Variants in ALOX5 observed in about 807,000 individuals in gnomAD.
ALOX5 encodes the protein polyunsaturated fatty acid 5-lipoxygenase.
In ALOX5, 64 loss-of-function variants were observed where a neutral mutation model predicts 87.9. The observed-to-expected ratio is 0.73, with a 90% CI of 0.60 to 0.90. The LOEUF is 0.90. ALOX5 is among the 40% of genes least tolerant of loss of function. ALOX5 has a pLI of 0.00. For synonymous variants in ALOX5, 388 were observed against 355.1 expected (o/e 1.09, Z -1.04); for missense variants, 822 against 907.5 (o/e 0.91, Z 1.21).
At chr10:45,402,949 C>A (rs558571868) in intron 3 of ALOX5, among the ~76,000 whole-genome samples, 3 of 152,262 alleles carry the variant, frequency 2.0e-5, no homozygotes, top group African/African-American at 7.2e-5. Context: ...CTGCTACTAC[C>A]ACACATATGC....
chr10:45,407,855 G>A (rs1332858193), intron 3 of ALOX5, among the ~76,000 whole-genome samples: 1 of 152,138 alleles, frequency 6.6e-6, no homozygotes, highest in Non-Finnish European at 1.5e-5. Context: ...GAATTTCCTT[G>A]TGAGCAAAAT....
At position 45,425,207 on chromosome 10, in the gene ALOX5, C is replaced by T. The variant is rs1841663205; in HGVS notation, c.834+75C>T. 14 of 1,491,776 alleles carry T rather than the reference C, an allele frequency of 9.4e-6. No homozygotes were observed. The highest frequency in any genetic ancestry group is 4.3e-5 in the Admixed American group (2 of 46,382). The allele number at this position is 1,491,776 out of a possible 1,614,324, so 92.4% of individuals were successfully genotyped here. A position where few individuals can be genotyped will look rare whatever the true frequency, so the allele number is the denominator to read the frequency against. Reference sequence around the variant, plus strand: ...GGAAGCCAGTTCCTCCTGGCCAGTGCTCATAGGCCACCAAGACGCTAACTG... The same window carrying T: ...GGAAGCCAGTTCCTCCTGGCCAGTGTTCATAGGCCACCAAGACGCTAACTG... On this transcript the variant is annotated intron_variant, in intron 6 of 13. Coordinates refer to ENST00000374391, the MANE Select transcript of ALOX5 (RefSeq NM_000698.5). The surrounding 1 kb of genome is among the most constrained non-coding windows in gnomAD (Gnocchi z 4.4).
rs764750532 is a variant in ALOX5 at position 45,424,056 on chromosome 10, C to G, written c.570C>G (p.Phe190Leu). The G allele has an allele frequency of 1.2e-5, 19 of 1,613,998 alleles. No homozygotes were observed. The African/African-American group carries it at 1.6e-4, about 14-fold the overall frequency. Residue 190 changes from phenylalanine (F) to leucine (L), a missense_variant, in exon 5 of 14, where the codon TTC (phenylalanine) becomes TTG (leucine). By Grantham distance (22) the Phe-to-Leu change is conservative. Transcript: ENST00000374391. Reference sequence around the variant, plus strand: ...TGGTCTGCAGGATGGAGAACCTGTTCATCAACCGCTTCATGCACATGTTCC... The same window carrying G: ...TGGTCTGCAGGATGGAGAACCTGTTGATCAACCGCTTCATGCACATGTTCC... The part of the protein sequence containing the change: ...LNYSKAMENL[F>L]INRFMHMFQS...
intron 9 of ALOX5, chr10:45,442,693 A>G (rs1190620588): frequency 2.8e-5 from 8 of 290,032 alleles, no homozygotes; most frequent in Admixed American, 9.8e-5. Context: ...GCTCAGCACT[A>G]GAGCAGACTT....
intron 4 of ALOX5, among the ~76,000 whole-genome samples, chr10:45,418,012 C>G: frequency 6.6e-6 from 1 of 152,218 alleles, no homozygotes; most frequent in South Asian, 2.1e-4. Context: ...CTGTCATTAG[C>G]CCCTTGAGTG....
chr10:45,413,403 T>C (rs1018379161), intron 4 of ALOX5, among the ~76,000 whole-genome samples: 3 of 152,214 alleles, frequency 2.0e-5, no homozygotes, highest in Non-Finnish European at 2.9e-5. Context: ...CCATTCATGC[T>C]GAAAACTCTC....
intron 4 of ALOX5, among the ~76,000 whole-genome samples, chr10:45,421,651 G>A (rs1841512887): frequency 6.6e-6 from 1 of 152,234 alleles, no homozygotes; most frequent in Admixed American, 6.5e-5. Flanking sequence ...TCCAGTGCCT[G>A]GCTGCTGGTC....
intron 2 of ALOX5, among the ~76,000 whole-genome samples, chr10:45,386,352 A>G (rs771022715): frequency 8.6e-5 from 13 of 151,806 alleles, no homozygotes; most frequent in Non-Finnish European, 5.9e-5. Context: ...TATAGTCCCA[A>G]CTACTTAGGA....
rs765617226 is a variant in ALOX5 at position 45,382,588 on chromosome 10, A to G, written c.256A>G (p.Ile86Val). Residue 86 changes from isoleucine to valine, a missense_variant, in exon 2 of 14, where the codon ATC (isoleucine) becomes GTC (valine). Transcript: ENST00000374391. ...GAATGACGACTGGTACCTGAAGTAC[A>G]TCACGCTGAAGACGCCCCACGGGGA... is the stretch of plus-strand genomic sequence containing the variant. ...WLNDDWYLKY[I>V]TLKTPHGDYI... 1.6e-5 allele frequency: 26 copies of G among 1,614,076 alleles called. 1 individual carries two copies. In the South Asian group the frequency reaches 2.2e-4, roughly 14 times the overall value.
intron 2 of ALOX5, among the ~76,000 whole-genome samples, chr10:45,393,164 A>G (rs899907837): frequency 9.9e-5 from 15 of 152,244 alleles, no homozygotes; most frequent in Admixed American, 9.2e-4. Context: ...AAACAATTTT[A>G]GACCAATATC....
At chr10:45,374,450 G>T (rs772918040) in intron 1 of ALOX5, 21 bp downstream of exon 1, 1 of 1,522,658 alleles carries the variant, frequency 6.6e-7, no homozygotes. Context: ...GCGGGGCACG[G>T]GTGGAGCGCG....
At chr10:45,414,277 A>G (rs1243304927) in intron 4 of ALOX5, among the ~76,000 whole-genome samples, 3 of 152,194 alleles carry the variant, frequency 2.0e-5, no homozygotes, top group East Asian at 1.9e-4. Flanking sequence ...CCTCAGAAAT[A>G]ACACCACACA....
intron 7 of ALOX5, among the ~76,000 whole-genome samples, chr10:45,429,044 C>T (rs1841829323): frequency 6.6e-6 from 1 of 152,144 alleles, no homozygotes; most frequent in African/African-American, 2.4e-5. Flanking sequence ...GGCCCCCAGT[C>T]AAGGTGCTGC....
At chr10:45,376,315 C>A (rs1288773639) in intron 1 of ALOX5, among the ~76,000 whole-genome samples, 8 of 89,048 alleles carry the variant, frequency 9.0e-5, no homozygotes. Context: ...GTTGAGAGGG[C>A]TATAAGTCAG....
Position 45,393,145 on chromosome 10 carries a change from AC to A in ALOX5, c.350-2709del, listed in dbSNP as rs537529200. Among the ~76,000 whole-genome samples the A allele has an allele frequency of 1.8e-3, 279 of 152,080 alleles. 1 individual carries two copies. Among genetic ancestry groups the A allele is most frequent in the African/African-American group, 6.2e-3 (255 of 41,364 alleles). ...TGATACCAAAGCCTGGCAGATACAC[AC>A]ACAAAAAAAACAATTTTAGACCAAT... On this transcript the variant is annotated intron_variant, in intron 2 of 13. Coordinates refer to ENST00000374391, the MANE Select transcript of ALOX5 (RefSeq NM_000698.5).
At chr10:45,390,559 A>G (rs1001900675) in intron 2 of ALOX5, among the ~76,000 whole-genome samples, 1 of 152,236 alleles carries the variant, frequency 6.6e-6, no homozygotes, top group Admixed American at 6.5e-5. Flanking sequence ...TCTCAACTAC[A>G]TGGACACTGA....
chr10:45,408,948 A>G (rs1840970903), intron 3 of ALOX5, among the ~76,000 whole-genome samples: 1 of 152,202 alleles, frequency 6.6e-6, no homozygotes, highest in African/African-American at 2.4e-5. Flanking sequence ...GGTGTTAATG[A>G]GTTTAGCTTA....
chr10:45,411,503 A>G (rs1011381956), intron 3 of ALOX5, among the ~76,000 whole-genome samples: 2 of 152,244 alleles, frequency 1.3e-5, no homozygotes, highest in Non-Finnish European at 2.9e-5. Context: ...CAAATGCCCA[A>G]TGCCACGGGA....
At chr10:45,380,038 A>G (rs1332635566) in intron 1 of ALOX5, among the ~76,000 whole-genome samples, 1 of 152,182 alleles carries the variant, frequency 6.6e-6, no homozygotes, top group East Asian at 1.9e-4. Context: ...TGGGCCACTC[A>G]GCCCCCACTC....
Sources: gnomAD v4.1 joint callset for allele counts (sites outside exome capture counted in the v4.1 genomes callset) on GRCh38, gnomAD v4.1.1 for gene constraint, Gnocchi (gnomAD v3.1) non-coding constraint, MANE v1.5 for transcripts, NCBI Gene and HGNC (gene_info 2026-07-23, HGNC 2026-07-21) for gene names.